The following DIP2B variants were observed in gnomAD, a reference collection of about 807,000 sequenced individuals.
DIP2B encodes the protein disco-interacting protein 2 homolog B.
A neutral mutation model predicts 198.0 loss-of-function variants in DIP2B; 76 were observed. The ratio of observed to expected loss-of-function variants is 0.38; its 90% CI spans 0.32 to 0.46. DIP2B has a LOEUF of 0.46. DIP2B is among the 20% of genes least tolerant of loss of function. The pLI is 0.99. For missense variants in DIP2B, 1,559 were observed against 1,978.4 expected (o/e 0.79, Z 4.02); for synonymous variants, 701 against 739.1 (o/e 0.95, Z 0.84).
chr12:50,638,071 G>C (rs1234665028), intron 2 of DIP2B, among the ~76,000 whole-genome samples: 1 of 152,126 alleles, frequency 6.6e-6, no homozygotes, highest in Non-Finnish European at 1.5e-5. Flanking sequence ...AAACATAATG[G>C]TGACCTCTAG....
intron 3 of DIP2B, among the ~76,000 whole-genome samples, chr12:50,654,568 TC>T (rs1451924598): frequency 6.6e-6 from 1 of 152,108 alleles, no homozygotes; most frequent in Non-Finnish European, 1.5e-5. Context: ...CCCAGGCTGG[TC>T]TCTTACCCTT....
At position 50,744,688 on chromosome 12, in the gene DIP2B, T is replaced by TG; in HGVS notation, c.4582dup (p.Glu1528GlyfsTer33). 2 of 1,614,226 alleles carry TG rather than the reference T, an allele frequency of 1.2e-6. No homozygotes were observed. The highest frequency in any genetic ancestry group is 1.7e-6 in the Non-Finnish European group (2 of 1,180,046). On this transcript the variant is annotated frameshift_variant, in exon 38 of 38. Transcript: ENST00000301180. LOFTEE classifies it high-confidence loss of function. ...GTCCCATTAGTGACCAACGTGGTCCTGGAAGAGCATTACCTCATCGTTGGC... is the reference window on the plus strand; with the variant it reads ...GTCCCATTAGTGACCAACGTGGTCCTGGGAAGAGCATTACCTCATCGTTGGC...
chr12:50,516,245 C>A (rs992966051), intron 1 of DIP2B, among the ~76,000 whole-genome samples: 11 of 140,680 alleles, frequency 7.8e-5, no homozygotes, highest in African/African-American at 2.7e-4. Flanking sequence ...CTCTCTCTCT[C>A]TATCTCTATC....
chr12:50,656,289 C>T (rs1271931895), intron 3 of DIP2B, among the ~76,000 whole-genome samples: 1 of 152,160 alleles, frequency 6.6e-6, no homozygotes, highest in East Asian at 1.9e-4. Flanking sequence ...ATTCATTCTT[C>T]ACTAAAAGGA....
rs1336465538 is a variant in DIP2B, at chr12:50,672,240, TTTCAA to T, written c.640+848_640+852del. Among the ~76,000 whole-genome samples the T allele has an allele frequency of 2.6e-5, 4 of 152,060 alleles. No homozygotes were observed. In the East Asian group the frequency reaches 7.7e-4, roughly 29 times the overall value. ...CTAAAAAAAGAAAAACTTGGAAAAATTTCAATTCAAGACTATAATTTTTAAAGAAA... is the reference window on the plus strand; with the variant it reads ...CTAAAAAAAGAAAAACTTGGAAAAATTTCAAGACTATAATTTTTAAAGAAA... On this transcript the variant is annotated intron_variant, in intron 5 of 37. Coordinates refer to ENST00000301180, the MANE Select transcript of DIP2B (RefSeq NM_173602.3).
chr12:50,710,833 T>C lies in DIP2B; in HGVS notation c.2649+2271T>C, dbSNP rs192320216. On this transcript the variant is annotated intron_variant, in intron 22 of 37. Coordinates refer to ENST00000301180, the MANE Select transcript of DIP2B (RefSeq NM_173602.3). Reference sequence around the variant, plus strand: ...TAGAAAATCAGAAAAGAAAATATATTGAAGATAGACTAGTCAGGAAAGACT... The same window carrying C: ...TAGAAAATCAGAAAAGAAAATATATCGAAGATAGACTAGTCAGGAAAGACT... Among the ~76,000 whole-genome samples the C allele has an allele frequency of 3.2e-3, 490 of 152,260 alleles. 2 individuals are homozygous for C. Among genetic ancestry groups the C allele is most frequent in the African/African-American group, 0.011 (471 of 41,556 alleles).
At chr12:50,744,292 G>A (rs1446959465) in intron 37 of DIP2B, among the ~76,000 whole-genome samples, 14 of 152,254 alleles carry the variant, frequency 9.2e-5, no homozygotes, top group African/African-American at 3.1e-4. Context: ...GTGAGCCACC[G>A]CGCCTGGCCT....
intron 3 of DIP2B, among the ~76,000 whole-genome samples, chr12:50,659,044 G>A (rs1482641063): frequency 2.6e-5 from 4 of 152,048 alleles, no homozygotes; most frequent in Non-Finnish European, 4.4e-5. Context: ...CTGAGATTGC[G>A]CCACTGCACT....
intron 4 of DIP2B, among the ~76,000 whole-genome samples, chr12:50,663,221 T>C (rs1164762843): frequency 1.3e-5 from 2 of 150,808 alleles, no homozygotes; most frequent in Admixed American, 6.6e-5. Context: ...GGTCAGGAGA[T>C]CGAGACCATC....
intron 3 of DIP2B, among the ~76,000 whole-genome samples, chr12:50,644,393 A>C (rs915818064): frequency 6.6e-6 from 1 of 152,206 alleles, no homozygotes; most frequent in African/African-American, 2.4e-5. Context: ...ACAAAACAAC[A>C]AAAATAAAAC....
chr12:50,639,776 A>T (rs893977321), intron 2 of DIP2B, among the ~76,000 whole-genome samples: 26 of 152,182 alleles, frequency 1.7e-4, no homozygotes, highest in African/African-American at 6.3e-4. Context: ...ATCCTGCAAT[A>T]TGTGACAACA....
chr12:50,579,076 C>T (rs1370262826), intron 1 of DIP2B, among the ~76,000 whole-genome samples: 1 of 152,030 alleles, frequency 6.6e-6, no homozygotes, highest in Non-Finnish European at 1.5e-5. Context: ...TTGTACAATT[C>T]TGTGTTGTGT....
intron 1 of DIP2B, among the ~76,000 whole-genome samples, chr12:50,533,614 CTT>C (rs111296788): frequency 2.7e-5 from 4 of 146,336 alleles, no homozygotes; most frequent in Non-Finnish European, 3.0e-5. Context: ...AACTTTTTTC[CTT>C]TTTTTTTTTT....
chr12:50,598,117 C>T lies in DIP2B; in HGVS notation c.101-27859C>T, dbSNP rs577695330. Reference sequence around the variant, plus strand: ...TTCTTTAATGCCGTCAAGTCATTTGCACCTACCCCACTTTTGCATTACTGA... The same window carrying T: ...TTCTTTAATGCCGTCAAGTCATTTGTACCTACCCCACTTTTGCATTACTGA... On this transcript the variant is annotated intron_variant, in intron 1 of 37. Transcript: ENST00000301180. 5.3e-4 allele frequency among the ~76,000 whole-genome samples: 80 copies of T among 152,228 alleles called. No homozygotes were observed. In the South Asian group the frequency reaches 7.0e-3, roughly 13 times the overall value.
chr12:50,599,621 A>C (rs1010598089), intron 1 of DIP2B, among the ~76,000 whole-genome samples: 3 of 152,154 alleles, frequency 2.0e-5, no homozygotes, highest in Non-Finnish European at 2.9e-5. Flanking sequence ...GTCTCAAAAA[A>C]ACAAAAAACA....
chr12:50,594,711 G>A (rs908607093), intron 1 of DIP2B, among the ~76,000 whole-genome samples: 1 of 152,066 alleles, frequency 6.6e-6, no homozygotes, highest in Non-Finnish European at 1.5e-5. Flanking sequence ...AAAAGTCATC[G>A]AAAATATCAA....
intron 1 of DIP2B, among the ~76,000 whole-genome samples, chr12:50,615,854 C>G (rs1203387087): frequency 6.6e-6 from 1 of 152,198 alleles, no homozygotes; most frequent in Non-Finnish European, 1.5e-5. Context: ...AGATCTGTTT[C>G]ATGCTAGAAC....
chr12:50,642,413 C>T (rs1031610968), intron 3 of DIP2B, among the ~76,000 whole-genome samples: 21 of 152,220 alleles, frequency 1.4e-4, no homozygotes, highest in African/African-American at 4.3e-4. Context: ...CTCACTCCAG[C>T]TGTAGACTGC....
At chr12:50,525,821 G>A (rs1958159563) in intron 1 of DIP2B, among the ~76,000 whole-genome samples, 3 of 152,090 alleles carry the variant, frequency 2.0e-5, no homozygotes, top group African/African-American at 7.2e-5. Flanking sequence ...CCACCTCTAT[G>A]TCTTGTTCCT....
Sources: gnomAD v4.1 joint callset for allele counts (sites outside exome capture counted in the v4.1 genomes callset) on GRCh38, gnomAD v4.1.1 for gene constraint, MANE v1.5 for transcripts, NCBI Gene and HGNC (gene_info 2026-07-23, HGNC 2026-07-21) for gene names.